The following FAM161A variants were observed in gnomAD, a reference collection of about 807,000 sequenced individuals.
The protein encoded by FAM161A is protein FAM161A.
Under a neutral mutation model 70.9 loss-of-function variants are expected in FAM161A, and 57 were observed. The observed-to-expected ratio is 0.80, with a 90% CI of 0.65 to 1.00. The LOEUF is 1.00. FAM161A is among the 50% of genes least tolerant of loss of function. FAM161A has a pLI of 0.00. For synonymous variants in FAM161A, 299 were observed against 295.7 expected (o/e 1.01, Z -0.12); for missense variants, 880 against 836.0 (o/e 1.05, Z -0.65).
chr2:61,825,872 C>T lies in FAM161A; in HGVS notation c.*583G>A, dbSNP rs1330069234. The T allele has an allele frequency of 6.6e-6, 3 of 453,642 alleles. No homozygotes were observed. The highest frequency in any genetic ancestry group is 4.0e-5 in the African/African-American group (2 of 50,044). The allele number at this position is 453,642 out of a possible 1,614,324, so 28.1% of individuals were successfully genotyped here. On this transcript the variant is annotated 3_prime_UTR_variant, in exon 7 of 7. Coordinates refer to ENST00000404929, the MANE Select transcript of FAM161A (RefSeq NM_001201543.2). ...CAGGATGGTCTCGATCTCCTGACCT[C>T]GTGATCCACCCGTCTCGGCCTCCCA... is the stretch of plus-strand genomic sequence containing the variant.
At position 61,826,616 on chromosome 2, in the gene FAM161A, A is replaced by G. The variant is rs762666633; in HGVS notation, c.2007-17T>C. On this transcript the variant is annotated splice_polypyrimidine_tract_variant and intron_variant, in intron 6 of 6. Transcript: ENST00000404929. ...TCATTAAAGCTAGGGGAAGAAATTT[A>G]TCAATCTTTCAAAGGAAAAATGAGT... The G allele has an allele frequency of 2.5e-6, 4 of 1,596,996 alleles. No individual in the cohort carries two copies. In the African/African-American group the frequency reaches 5.4e-5, roughly 21 times the overall value.
Position 61,840,297 on chromosome 2 carries a change from A to G in FAM161A, c.707T>C (p.Ile236Thr). 6.2e-7 allele frequency: 1 copy of G among 1,614,038 alleles called. No individual in the cohort carries two copies. Reference sequence around the variant, plus strand: ...CATTTGAAAAGGCTCCGGTACTGTAATTGTGGGCACCCATTCTTTTCGTTT... The same window carrying G: ...CATTTGAAAAGGCTCCGGTACTGTAGTTGTGGGCACCCATTCTTTTCGTTT... ...RKKRKEWVPT[I>T]TVPEPFQMMI... is the part of the protein sequence containing the mutation. The change falls in exon 3 of 7, where the codon ATT becomes ACT. Residue 236 changes from isoleucine (I) to threonine (T), a missense_variant. Transcript: ENST00000404929.
chr2:61,844,060 G>A (rs1239060395), intron 1 of FAM161A, among the ~76,000 whole-genome samples: 10 of 151,734 alleles, frequency 6.6e-5, no homozygotes, highest in East Asian at 5.8e-4. Flanking sequence ...GGAGAATGGC[G>A]TGAACCTGGG....
In FAM161A at chr2:61,825,936, G is replaced by A. The variant is rs535265888; in HGVS notation, c.*519C>T. The A allele has an allele frequency of 4.0e-5, 18 of 453,826 alleles. No individual in the cohort carries two copies. The highest frequency in any genetic ancestry group is 8.0e-5 in the African/African-American group (4 of 49,918). The allele number at this position is 453,826 out of a possible 1,614,324, so 28.1% of individuals were successfully genotyped here. The stretch of plus-strand genomic sequence containing the variant: ...ACAGGCATGAGCCACCATACCCGGC[G>A]TTTTTTCTATACTTTTAAAAATGGC... On this transcript the variant is annotated 3_prime_UTR_variant, in exon 7 of 7. Coordinates refer to ENST00000404929, the MANE Select transcript of FAM161A (RefSeq NM_001201543.2).
chr2:61,804,502 C>A, the FAM161A span, among the ~76,000 whole-genome samples: 1 of 151,814 alleles, frequency 6.6e-6, no homozygotes, highest in Non-Finnish European at 1.5e-5. Context: ...CTGGTCAACA[C>A]GGTGAAACCC....
At chr2:61,820,094 T>C (rs1672171478), downstream of FAM161A, 1 of 382,436 alleles carries the variant, frequency 2.6e-6, no homozygotes, top group Non-Finnish European at 4.9e-6. Flanking sequence ...GTGTTGGGTA[T>C]ACCTCTTAAA....
chr2:61,814,531 G>A, the FAM161A span, among the ~76,000 whole-genome samples: 6 of 151,948 alleles, frequency 3.9e-5, no homozygotes, highest in Non-Finnish European at 5.9e-5. Flanking sequence ...CTAGGGCAAC[G>A]TGACAAAACT....
the FAM161A span, among the ~76,000 whole-genome samples, chr2:61,813,822 T>C: frequency 1.3e-5 from 2 of 152,138 alleles, no homozygotes; most frequent in Admixed American, 1.3e-4. Flanking sequence ...TGGATTTATG[T>C]ATTGGTCGTT....
At chr2:61,830,409 G>A (rs951934886) in intron 5 of FAM161A, among the ~76,000 whole-genome samples, 5 of 151,962 alleles carry the variant, frequency 3.3e-5, no homozygotes, top group Middle Eastern at 3.2e-3. Flanking sequence ...GGCCAGGCAC[G>A]GTGGCTCACT....
Position 61,840,249 on chromosome 2 carries a change from T to A in FAM161A, c.755A>T (p.Lys252Ile). 1 of 1,614,012 alleles carries A rather than the reference T, an allele frequency of 6.2e-7. No individual in the cohort carries two copies. Among genetic ancestry groups the A allele is most frequent in the Non-Finnish European group, 8.5e-7 (1 of 1,179,986 alleles). Residue 252 changes from lysine to isoleucine, a missense_variant, in exon 3 of 7, where the codon AAA (lysine) becomes ATA (isoleucine). Coordinates refer to ENST00000404929, the MANE Select transcript of FAM161A (RefSeq NM_001201543.2). ...FQMMIREQKK[K>I]EESMKSKSDI... ...TGATTTAGATTTCATGGACTCTTCT[T>A]TTTTCTTCTGTTCTCTTATCATCAT...
chr2:61,825,985 G>A lies in FAM161A; in HGVS notation c.*470C>T, dbSNP rs1672346793. 2.2e-6 allele frequency: 1 copy of A among 454,010 alleles called. No homozygotes were observed. The highest frequency in any genetic ancestry group is 1.6e-5 in the South Asian group (1 of 64,474). The allele number at this position is 454,010 out of a possible 1,614,324, so 28.1% of individuals were successfully genotyped here. On this transcript the variant is annotated 3_prime_UTR_variant, in exon 7 of 7. Transcript: ENST00000404929. The stretch of plus-strand genomic sequence containing the variant: ...GCTCAGAGCAGCAAAACAAGTTAGA[G>A]GATTTATTCTGTGAAATGCACTGCA...
chr2:61,824,593 T>C (rs546695091), downstream of FAM161A, among the ~76,000 whole-genome samples: 32 of 152,254 alleles, frequency 2.1e-4, no homozygotes, highest in East Asian at 6.0e-3. Context: ...AGATAGGTAA[T>C]ATTCCCATTT....
rs544651058 is a variant in FAM161A at position 61,840,507 on chromosome 2, G to C, written c.497C>G (p.Ser166Cys). 6.2e-7 allele frequency: 1 copy of C among 1,613,986 alleles called. No homozygotes were observed. Among genetic ancestry groups the C allele is most frequent in the East Asian group, 2.2e-5 (1 of 44,872 alleles). The change falls in exon 3 of 7, where the codon TCT (serine) becomes TGT (cysteine). Residue 166 changes from serine (S) to cysteine (C), a missense_variant. By Grantham distance (112) the Ser-to-Cys change is moderately radical. Transcript: ENST00000404929. ...TSFSEPDLGQ[S>C]SSLYVSSSEE... ...AGAGGAGGACACATACAAGGAGGAA[G>C]ACTGGCCTAAATCAGGCTCTGAAAA... is the stretch of plus-strand genomic sequence containing the variant.
In FAM161A at chr2:61,839,613, T is replaced by C. The variant is rs201315315; in HGVS notation, c.1391A>G (p.His464Arg). Reference protein sequence around the residue: ...CKPFDLHASPHASIKREKILA... With the variant: ...CKPFDLHASPRASIKREKILA... ...AATTTTTTCTCTTTTAATAGATGCA[T>C]GTGGAGATGCATGAAGATCAAATGG... is the stretch of plus-strand genomic sequence containing the variant. Residue 464 changes from histidine to arginine, a missense_variant, in exon 3 of 7, where the codon CAT becomes CGT. Physicochemically the swap from His to Arg is conservative, Grantham distance 29 (BLOSUM62 0). Coordinates refer to ENST00000404929, the MANE Select transcript of FAM161A (RefSeq NM_001201543.2). The C allele has an allele frequency of 1.8e-4, 284 of 1,614,214 alleles. 1 individual carries two copies. The East Asian group carries it at 5.2e-3, about 30-fold the overall frequency.
the FAM161A span, among the ~76,000 whole-genome samples, chr2:61,807,241 C>T: frequency 4.7e-5 from 7 of 150,032 alleles, no homozygotes; most frequent in Non-Finnish European, 1.0e-4. Context: ...TGAAGCAAAG[C>T]AAGTTAGTTC....
chr2:61,850,675 C>T (rs1165493744), intron 1 of FAM161A, among the ~76,000 whole-genome samples: 1 of 152,120 alleles, frequency 6.6e-6, no homozygotes, highest in African/African-American at 2.4e-5. Flanking sequence ...ATTGATTGAT[C>T]CTGGGAGGTT....
At chr2:61,853,820 C>G in intron 1 of FAM161A, 39 bp downstream of exon 1, 1 of 1,611,842 alleles carries the variant, frequency 6.2e-7, no homozygotes. Flanking sequence ...TGCACCCAGC[C>G]CATGCGAGGT....
At chr2:61,834,362 G>A (rs1282534026) in intron 5 of FAM161A, among the ~76,000 whole-genome samples, 1 of 152,074 alleles carries the variant, frequency 6.6e-6, no homozygotes, top group Non-Finnish European at 1.5e-5. Context: ...AGGGAGAGTG[G>A]AGGGAGGAGG....
At chr2:61,820,445 C>G (rs1572848636), downstream of FAM161A, 1 of 756,374 alleles carries the variant, frequency 1.3e-6, no homozygotes. Context: ...GATGGGAGAG[C>G]TGTGGAACCA....
Sources: gnomAD v4.1 joint callset for allele counts (sites outside exome capture counted in the v4.1 genomes callset) on GRCh38, gnomAD v4.1.1 for gene constraint, MANE v1.5 for transcripts, NCBI Gene and HGNC (gene_info 2026-07-23, HGNC 2026-07-21) for gene names.